KIF21A: variants seen among roughly 807,000 people sequenced by gnomAD.
KIF21A encodes kinesin-like protein KIF21A.
Under a neutral mutation model 202.9 loss-of-function variants are expected in KIF21A, and 114 were observed. The observed-to-expected ratio is 0.56, with a 90% CI of 0.48 to 0.66. The LOEUF (loss-of-function observed/expected upper bound fraction) is 0.66, where lower values mean the gene tolerates loss of function less well. Ranked by LOEUF, KIF21A falls within the 30% of genes least tolerant of loss-of-function variation. The pLI is 0.00. For synonymous variants in KIF21A, 667 were observed against 670.8 expected (o/e 0.99, Z 0.09); for missense variants, 1,677 against 1,994.9 (o/e 0.84, Z 3.04).
chr12:39,442,893 C>A lies in KIF21A; in HGVS notation c.44+34G>T, dbSNP rs918756058. The A allele has an allele frequency of 2.0e-6, 3 of 1,522,624 alleles. No individual in the cohort carries two copies. The highest frequency in any genetic ancestry group is 2.6e-6 in the Non-Finnish European group (3 of 1,141,638). 94.3% of individuals were successfully genotyped at this position (1,522,624 alleles called of 1,614,324 possible). A position where few individuals can be genotyped will look rare whatever the true frequency, so the allele number is the denominator to read the frequency against. On this transcript the variant is annotated intron_variant, in intron 1 of 37. Coordinates refer to ENST00000361418, the MANE Select transcript of KIF21A (RefSeq NM_001173464.2). This position sits in a 1 kb window ranked among gnomAD's most constrained non-coding sequence, Gnocchi z 5.0. ...GGTCCTTGCCGCGCCCTCAACCCGCCGCCCGCCGCCCGCCGCCGGCAGACT... is the reference window on the plus strand; with the variant it reads ...GGTCCTTGCCGCGCCCTCAACCCGCAGCCCGCCGCCCGCCGCCGGCAGACT...
At position 39,376,345 on chromosome 12, in the gene KIF21A, T is replaced by G. The variant is rs567131216; in HGVS notation, c.45-6084A>C. Among the ~76,000 whole-genome samples the G allele has an allele frequency of 5.3e-5, 8 of 152,234 alleles. No individual in the cohort carries two copies. The East Asian group carries it at 1.5e-3, about 29-fold the overall frequency. The stretch of plus-strand genomic sequence containing the variant: ...ATCAAGTCCCAATCATCCTTCTACT[T>G]TTATCAGTATAGGGTACAATAGGAG... On this transcript the variant is annotated intron_variant, in intron 1 of 37. Transcript: ENST00000361418.
chr12:39,398,105 CTTA>C (rs1951891660), intron 1 of KIF21A, among the ~76,000 whole-genome samples: 1 of 152,174 alleles, frequency 6.6e-6, no homozygotes, highest in Admixed American at 6.5e-5. Flanking sequence ...TTGACACATT[CTTA>C]TTATCTATGG....
intron 28 of KIF21A, 38 bp from the exon 29 acceptor site, chr12:39,318,239 T>C (rs376753687): frequency 1.1e-5 from 18 of 1,601,042 alleles, no homozygotes; most frequent in Admixed American, 3.3e-5. Context: ...GTGGCTTTAA[T>C]TGGTTATGAT....
At chr12:39,407,961 T>C (rs1289746496) in intron 1 of KIF21A, among the ~76,000 whole-genome samples, 1 of 148,494 alleles carries the variant, frequency 6.7e-6, no homozygotes, top group Non-Finnish European at 1.5e-5. Flanking sequence ...GGCATATGAA[T>C]AGAGAAAAGA....
chr12:39,438,102 G>A (rs1183986987), intron 1 of KIF21A, among the ~76,000 whole-genome samples: 1 of 152,084 alleles, frequency 6.6e-6, no homozygotes, highest in African/African-American at 2.4e-5. Context: ...TAAACCTTGA[G>A]ACACATTTTT....
rs1944784548 is a variant in KIF21A, at chr12:39,318,190, C to A, written c.3791G>T (p.Gly1264Val). The change falls in exon 29 of 38, where the codon GGA becomes GTA. Residue 1264 changes from glycine to valine, a missense_variant. Physicochemically the swap from Gly to Val is moderately radical, Grantham distance 109. Coordinates refer to ENST00000361418, the MANE Select transcript of KIF21A (RefSeq NM_001173464.2). ...KAKEQKHSDS[G>V]TSEASLSPPS... ...AGGTGAAAGACTAGCCTCTGAAGTT[C>A]CAGAATCTGAGCTACAAGAAAAAAA... The A allele has an allele frequency of 1.2e-6, 2 of 1,613,110 alleles. No homozygotes were observed. Among genetic ancestry groups the A allele is most frequent in the East Asian group, 4.5e-5 (2 of 44,828 alleles).
intron 21 of KIF21A, 200 bp from the exon 22 acceptor site, chr12:39,331,991 G>A (rs924190271): frequency 7.6e-6 from 5 of 660,106 alleles, no homozygotes; most frequent in Admixed American, 4.8e-5. Context: ...TTCAAGGTGG[G>A]ATGTAAAGAT....
chr12:39,429,863 AGAG>A (rs1361491689), intron 1 of KIF21A, among the ~76,000 whole-genome samples: 1 of 152,106 alleles, frequency 6.6e-6, no homozygotes, highest in Non-Finnish European at 1.5e-5. Context: ...AGAAAAAAGA[AGAG>A]GAGGGATAAA....
intron 1 of KIF21A, among the ~76,000 whole-genome samples, chr12:39,439,571 A>G (rs374113486): frequency 6.6e-6 from 1 of 152,204 alleles, no homozygotes; most frequent in Non-Finnish European, 1.5e-5. Flanking sequence ...CATACTTAAA[A>G]GTTTATGATA....
chr12:39,320,796 G>A lies in KIF21A; in HGVS notation c.3672-783C>T, dbSNP rs141529639. On this transcript the variant is annotated intron_variant, in intron 27 of 37. Transcript: ENST00000361418. ...TTAAAAATACCAAAATTAGCTGAGT[G>A]TGGTGGCGGGCACCTGTAATCCCAG... Among the ~76,000 whole-genome samples the A allele has an allele frequency of 4.5e-3, 680 of 151,622 alleles. 5 individuals are homozygous for A. Among genetic ancestry groups the A allele is most frequent in the African/African-American group, 0.016 (649 of 41,358 alleles).
chr12:39,354,454 T>G (rs1948621102), intron 10 of KIF21A, among the ~76,000 whole-genome samples: 1 of 152,172 alleles, frequency 6.6e-6, no homozygotes, highest in African/African-American at 2.4e-5. Flanking sequence ...TGATTTTAAT[T>G]TTCTCTTACA....
intron 1 of KIF21A, among the ~76,000 whole-genome samples, chr12:39,389,748 G>T (rs1039946874): frequency 6.6e-6 from 1 of 152,054 alleles, no homozygotes. Flanking sequence ...GGAGTGCAGG[G>T]CATTTTTTTT....
chr12:39,331,656 T>A (rs745670366), intron 22 of KIF21A, 34 bp downstream of exon 22: 1 of 1,412,700 alleles, frequency 7.1e-7, no homozygotes, highest in Non-Finnish European at 1.0e-6. Flanking sequence ...TAGTCAAAAC[T>A]TAGATTTTCA....
chr12:39,332,573 ACT>A lies in KIF21A; in HGVS notation c.2856+16_2856+17del, dbSNP rs556330120. On this transcript the variant is annotated intron_variant, in intron 20 of 37. Coordinates refer to ENST00000361418, the MANE Select transcript of KIF21A (RefSeq NM_001173464.2). ...CAGTTAGCTAAGGGGGAGCGTATCT[ACT>A]CTCTATTTTCCACACCTTGAGGAGT... 1.5e-4 allele frequency: 240 copies of A among 1,604,992 alleles called. No individual in the cohort carries two copies. In the African/African-American group the frequency reaches 3.1e-3, roughly 21 times the overall value.
chr12:39,419,702 G>A (rs144718470), intron 1 of KIF21A, among the ~76,000 whole-genome samples: 145 of 152,250 alleles, frequency 9.5e-4, no homozygotes, highest in Middle Eastern at 3.4e-3. Context: ...TAAGGCTAAA[G>A]ATTCATGGTG....
chr12:39,420,094 A>G (rs1197861858), intron 1 of KIF21A, among the ~76,000 whole-genome samples: 1 of 151,944 alleles, frequency 6.6e-6, no homozygotes, highest in East Asian at 1.9e-4. Context: ...AAAAAAAAAA[A>G]AAAAATGAGA....
intron 1 of KIF21A, among the ~76,000 whole-genome samples, chr12:39,410,953 G>A (rs1953034288): frequency 6.6e-6 from 1 of 152,078 alleles, no homozygotes; most frequent in Admixed American, 6.6e-5. Context: ...GTCCTAAAAT[G>A]TCACCACCCT....
intron 1 of KIF21A, among the ~76,000 whole-genome samples, chr12:39,401,052 C>G (rs1387231572): frequency 6.6e-6 from 1 of 152,142 alleles, no homozygotes; most frequent in Admixed American, 6.5e-5. Context: ...AAACCCCACG[C>G]TTGACACTTG....
At chr12:39,426,624 G>A (rs566407232) in intron 1 of KIF21A, among the ~76,000 whole-genome samples, 2 of 151,946 alleles carry the variant, frequency 1.3e-5, no homozygotes, top group South Asian at 4.2e-4. Context: ...TGTAATCCCA[G>A]CACTTTGTGA....
Sources: allele counts gnomAD v4.1 joint callset (sites outside exome capture counted in the v4.1 genomes callset), GRCh38; gene constraint gnomAD v4.1.1; non-coding constraint Gnocchi (gnomAD v3.1); transcripts MANE v1.5; gene names NCBI Gene and HGNC (gene_info 2026-07-23, HGNC 2026-07-21).